The following ERCC5 variants were observed in gnomAD, a reference collection of about 807,000 sequenced individuals.
ERCC5 encodes DNA excision repair protein ERCC-5.
Under a neutral mutation model 105.6 loss-of-function variants are expected in ERCC5, and 68 were observed. The ratio of observed to expected loss-of-function variants is 0.64; its 90% confidence interval spans 0.53 to 0.79. ERCC5 has a LOEUF of 0.79. Among genes scored for constraint, ERCC5 ranks in the 30% least tolerant of loss-of-function variants. ERCC5 has a pLI of 0.00. For synonymous variants in ERCC5, 546 were observed against 526.2 expected, an observed-to-expected ratio of 1.04 and a Z score of -0.51; for missense variants, 1,373 against 1,426.7, an observed-to-expected ratio of 0.96 and a Z score of 0.61.
chr13:102,852,006 T>C (rs1209745770), intron 1 of ERCC5, 112 bp from the exon 2 acceptor site: 1 of 1,219,488 alleles, frequency 8.2e-7, no homozygotes, highest in African/African-American at 1.5e-5. Context: ...TTTAAATGAA[T>C]AGTGATAAGT....
chr13:102,849,184 A>G (rs1882098004), intron 1 of ERCC5: 1 of 518,984 alleles, frequency 1.9e-6, no homozygotes, highest in Non-Finnish European at 3.8e-6. Flanking sequence ...ACCAAGTTCT[A>G]CCTCTGAGAT....
At position 102,875,296 on chromosome 13, in the gene ERCC5, TA is replaced by T. The variant is rs779355917; in HGVS notation, c.2965-10del. 3 of 1,612,546 alleles carry T rather than the reference TA, an allele frequency of 1.9e-6. No homozygotes were observed. Among genetic ancestry groups the T allele is most frequent in the South Asian group, 2.2e-5 (2 of 90,606 alleles). On this transcript the variant is annotated splice_polypyrimidine_tract_variant and intron_variant, in intron 14 of 14. Coordinates refer to ENST00000652225, the MANE Select transcript of ERCC5 (RefSeq NM_000123.4). ...TGATTTATTATTATTATTCTTTTGT[TA>T]TTTTTTTAGACACAGCTCCGAATTG...
At position 102,862,303 on chromosome 13, in the gene ERCC5, C is replaced by T. The variant is rs2140527260; in HGVS notation, c.1154C>T (p.Pro385Leu). 1 of 1,614,114 alleles carries T rather than the reference C, an allele frequency of 6.2e-7. No individual in the cohort carries two copies. Among genetic ancestry groups the T allele is most frequent in the Non-Finnish European group, 8.5e-7 (1 of 1,180,026 alleles). ...PAAVDEGSIS[P>L]RTLSAIKRAL... ...GCTGTAGACGAAGGCTCCATATCAC[C>T]CCGGACTCTTTCAGCCATTAAGAGA... Residue 385 changes from proline to leucine, a missense_variant, in exon 8 of 15, where the codon CCC becomes CTC. By Grantham distance (98) the Pro-to-Leu change is moderately conservative. Around this residue, in one of 3 missense-constraint regions of ERCC5, gnomAD observed 1,004 missense variants for 1,059.7 expected, o/e 0.95. Coordinates refer to ENST00000652225, the MANE Select transcript of ERCC5 (RefSeq NM_000123.4).
At position 102,862,109 on chromosome 13, in the gene ERCC5, C is replaced by T. The variant is rs4150314; in HGVS notation, c.960C>T (p.Asp320=). Residue 320 remains aspartate (D), a synonymous_variant, in exon 8 of 15, where the codon GAC becomes GAT. Transcript: ENST00000652225. ...GCAAAATGCACGGCATGTCTTTTGA[C>T]GTGAAGTCATCTCCATGTGAAAAAC... The part of the protein sequence containing the change: ...SSSKMHGMSF[D]VKSSPCEKLK... 0.012 allele frequency: 18,657 copies of T among 1,614,120 alleles called. 131 individuals carry two copies. The highest frequency in any genetic ancestry group is 0.018 in the Middle Eastern group (112 of 6,062).
chr13:102,862,443 CT>C lies in ERCC5; in HGVS notation c.1296del (p.Val434Ter). On this transcript the variant is annotated frameshift_variant, in exon 8 of 15. Transcript: ENST00000652225. LOFTEE classifies it high-confidence loss of function. ...CTCCACCGAGAACAGTGATGAAGGA[CT>C]TAAAGTGAGAGATGGAAAAGGAATA... ...NSSTENSDEG[L>X]KVRDGKGIPF... The C allele has an allele frequency of 6.2e-7, 1 of 1,613,876 alleles. No homozygotes were observed. Among genetic ancestry groups the C allele is most frequent in the South Asian group, 1.1e-5 (1 of 91,062 alleles).
Position 102,872,030 on chromosome 13 carries a change from A to G in ERCC5, c.2679-168A>G, listed in dbSNP as rs554375154. 2.0e-5 allele frequency among the ~76,000 whole-genome samples: 3 copies of G among 152,376 alleles called. No homozygotes were observed. In the South Asian group the frequency reaches 6.2e-4, roughly 32 times the overall value. On this transcript the variant is annotated intron_variant, in intron 12 of 14. Coordinates refer to ENST00000652225, the MANE Select transcript of ERCC5 (RefSeq NM_000123.4). ...AGGAAGACTTCCATAAATGTTTGCCATCATTATACATTGTGGCTAATAGTA... is the reference window on the plus strand; with the variant it reads ...AGGAAGACTTCCATAAATGTTTGCCGTCATTATACATTGTGGCTAATAGTA...
At chr13:102,872,744 A>G (rs558489139) in intron 13 of ERCC5, among the ~76,000 whole-genome samples, 1 of 152,304 alleles carries the variant, frequency 6.6e-6, no homozygotes, top group African/African-American at 2.4e-5. Flanking sequence ...AGTTTTAAAG[A>G]GGGTCTTTGT....
chr13:102,875,717 T>C lies in ERCC5; in HGVS notation c.3375T>C (p.Ser1125=). 14 of 1,614,116 alleles carry C rather than the reference T, an allele frequency of 8.7e-6. No individual in the cohort carries two copies. The highest frequency in any genetic ancestry group is 1.2e-5 in the Non-Finnish European group (14 of 1,180,030). ...CAGCTGCGAAAGAGCCAAAAACCAGTGCTTCAGATTCGCAGAACTCAGTGA... is the reference window on the plus strand; with the variant it reads ...CAGCTGCGAAAGAGCCAAAAACCAGCGCTTCAGATTCGCAGAACTCAGTGA... ...RRTAAKEPKT[S]ASDSQNSVKE... The change falls in exon 15 of 15, where the codon AGT becomes AGC. Residue 1125 remains serine, a synonymous_variant. Transcript: ENST00000652225.
At position 102,854,445 on chromosome 13, in the gene ERCC5, G is replaced by A. The variant is rs147299930; in HGVS notation, c.467+71G>A. On this transcript the variant is annotated intron_variant, in intron 4 of 14. Coordinates refer to ENST00000652225, the MANE Select transcript of ERCC5 (RefSeq NM_000123.4). ...TTCAGACACATTTAAACCTTGATGTGTTATCTACATGATAAGGCATGTGAA... is the reference window on the plus strand; with the variant it reads ...TTCAGACACATTTAAACCTTGATGTATTATCTACATGATAAGGCATGTGAA... The A allele has an allele frequency of 7.1e-5, 102 of 1,437,508 alleles. No homozygotes were observed. The African/African-American group carries it at 1.3e-3, about 19-fold the overall frequency. 89.0% of individuals were successfully genotyped at this position (1,437,508 alleles called of 1,614,324 possible). A position where few individuals can be genotyped will look rare whatever the true frequency, so the allele number is the denominator to read the frequency against.
chr13:102,858,764 G>T, intron 6 of ERCC5: 2 of 409,108 alleles, frequency 4.9e-6, no homozygotes, highest in Middle Eastern at 6.5e-4. Context: ...TTTTCACATG[G>T]TATGTGTCCA....
rs1401438698 is a variant in ERCC5, at chr13:102,861,463, A to G, written c.673-44A>G. 4 of 1,598,226 alleles carry G rather than the reference A, an allele frequency of 2.5e-6. No homozygotes were observed. The South Asian group carries it at 3.3e-5, about 13-fold the overall frequency. On this transcript the variant is annotated intron_variant, in intron 6 of 14. Transcript: ENST00000652225. ...GTGGAAATATGGTAATATTATCTGT[A>G]TTTAATATAAAACAGTAATTTTGTT...
chr13:102,849,628 C>T (rs770276490), intron 1 of ERCC5, among the ~76,000 whole-genome samples: 3 of 152,072 alleles, frequency 2.0e-5, no homozygotes, highest in Non-Finnish European at 2.9e-5. Context: ...CATTTAAATA[C>T]TAAACTGTTC....
intron 14 of ERCC5, chr13:102,874,914 A>C: frequency 5.0e-6 from 1 of 199,150 alleles, no homozygotes; most frequent in Non-Finnish European, 1.0e-5. Flanking sequence ...TCTCAAAGGT[A>C]TTGTATGATG....
chr13:102,854,506 A>G (rs936096837), intron 4 of ERCC5, 132 bp downstream of exon 4: 6 of 850,848 alleles, frequency 7.1e-6, no homozygotes, highest in Non-Finnish European at 1.1e-5. Flanking sequence ...CATGCTCTAT[A>G]CCTTTCAGAA....
chr13:102,862,818 G>T lies in ERCC5; in HGVS notation c.1669G>T (p.Asp557Tyr). 6.2e-7 allele frequency: 1 copy of T among 1,614,196 alleles called. No homozygotes were observed. Among genetic ancestry groups the T allele is most frequent in the East Asian group, 2.2e-5 (1 of 44,886 alleles). ...NELCPYESKF[D>Y]SSLLSSDDET... is the part of the protein sequence containing the mutation. ...ACTTTGCCCATATGAGAGTAAATTC[G>T]ATTCTTCTCTTCTTTCAAGTGATGA... Residue 557 changes from aspartate (D) to tyrosine (Y), a missense_variant, in exon 8 of 15, where the codon GAT (aspartate) becomes TAT (tyrosine). Coordinates refer to ENST00000652225, the MANE Select transcript of ERCC5 (RefSeq NM_000123.4).
chr13:102,850,243 T>C (rs1882155768), intron 1 of ERCC5, among the ~76,000 whole-genome samples: 1 of 152,074 alleles, frequency 6.6e-6, no homozygotes, highest in Non-Finnish European at 1.5e-5. Flanking sequence ...ATTTTTTAAA[T>C]AGGAATGTAT....
intron 11 of ERCC5, among the ~76,000 whole-genome samples, 176 bp from the exon 12 acceptor site, chr13:102,867,937 T>G (rs564309312): frequency 1.3e-5 from 2 of 152,306 alleles, no homozygotes; most frequent in Non-Finnish European, 2.9e-5. Flanking sequence ...GGATGAAACT[T>G]TAAAAATATT....
chr13:102,855,900 T>TC, intron 4 of ERCC5, 152 bp from the exon 5 acceptor site: 1 of 747,854 alleles, frequency 1.3e-6, no homozygotes. Context: ...CTTACACGTG[T>TC]CCCCCACCAG....
chr13:102,867,364 T>A (rs1370276262), intron 11 of ERCC5, among the ~76,000 whole-genome samples: 1 of 152,210 alleles, frequency 6.6e-6, no homozygotes, highest in African/African-American at 2.4e-5. Context: ...GAGAGTGAAC[T>A]TCAGGCATCG....
Sources: gnomAD v4.1 joint callset for allele counts (sites outside exome capture counted in the v4.1 genomes callset) on GRCh38, gnomAD v4.1.1 for gene constraint, gnomAD v4.1.1 regional missense constraint, MANE v1.5 for transcripts, NCBI Gene and HGNC (gene_info 2026-07-23, HGNC 2026-07-21) for gene names.